SUGCT: variants seen among roughly 807,000 people sequenced by gnomAD.
SUGCT encodes the protein succinyl-CoA:glutarate CoA-transferase.
SUGCT carries 41 observed loss-of-function variants against 55.0 expected under a neutral mutation model. That is an observed-to-expected ratio of 0.74 (90% confidence interval 0.58 to 0.97). The LOEUF (loss-of-function observed/expected upper bound fraction) is 0.97. Among genes scored for constraint, SUGCT ranks in the 50% least tolerant of loss-of-function variants. SUGCT has a pLI of 0.00. For missense variants in SUGCT, 568 were observed against 547.8 expected, an observed-to-expected ratio of 1.04 and a Z score of -0.37; for synonymous variants, 187 against 200.4, an observed-to-expected ratio of 0.93 and a Z score of 0.56.
rs559551883 is a variant in SUGCT at position 40,361,283 on chromosome 7, G to A, written c.816+44428G>A. Reference sequence around the variant, plus strand: ...ACAGGCAGCTCAGCCCTCAAAAAGAGAGAAAATTTGGTCAGGCGCGGTGGC... The same window carrying A: ...ACAGGCAGCTCAGCCCTCAAAAAGAAAGAAAATTTGGTCAGGCGCGGTGGC... On this transcript the variant is annotated intron_variant, in intron 9 of 13. Coordinates refer to ENST00000335693, the MANE Select transcript of SUGCT (RefSeq NM_001193313.2). Among the ~76,000 whole-genome samples, 5 of 152,102 alleles carry A rather than the reference G, an allele frequency of 3.3e-5. No individual in the cohort carries two copies. In the South Asian group the frequency reaches 6.2e-4, roughly 19 times the overall value.
At chr7:40,371,871 T>C (rs1205709448) in intron 9 of SUGCT, among the ~76,000 whole-genome samples, 1 of 152,032 alleles carries the variant, frequency 6.6e-6, no homozygotes, top group Non-Finnish European at 1.5e-5. Context: ...TCATGTTCAC[T>C]GGAATTTCTT....
At chr7:40,142,039 A>G (rs1788014198) in intron 1 of SUGCT, among the ~76,000 whole-genome samples, 1 of 152,130 alleles carries the variant, frequency 6.6e-6, no homozygotes, top group Non-Finnish European at 1.5e-5. Flanking sequence ...TGGCAGGAAA[A>G]ATGGTTATGG....
intron 8 of SUGCT, among the ~76,000 whole-genome samples, chr7:40,309,283 G>A (rs1257955243): frequency 2.7e-5 from 4 of 149,924 alleles, no homozygotes; most frequent in African/African-American, 7.3e-5. Context: ...CTGGCACATA[G>A]TAAGTGTGAT....
chr7:40,779,429 G>T (rs577161375), intron 13 of SUGCT, among the ~76,000 whole-genome samples: 2 of 152,154 alleles, frequency 1.3e-5, no homozygotes, highest in Non-Finnish European at 2.9e-5. Flanking sequence ...AGTATAAATT[G>T]TATGAAACAC....
In SUGCT at chr7:40,651,336, A is replaced by G. The variant is rs1407312615; in HGVS notation, c.1090-98098A>G. 3.9e-5 allele frequency among the ~76,000 whole-genome samples: 6 copies of G among 152,054 alleles called. No individual in the cohort carries two copies. The East Asian group carries it at 1.2e-3, about 29-fold the overall frequency. ...TGTGGTTTTAATTTGCACTTCTCTA[A>G]TGATCAGTGATGTTAATCTTTTTTT... On this transcript the variant is annotated intron_variant, in intron 12 of 13. Transcript: ENST00000335693.
intron 8 of SUGCT, among the ~76,000 whole-genome samples, chr7:40,297,698 A>G (rs1429483670): frequency 2.0e-5 from 3 of 152,216 alleles, no homozygotes; most frequent in African/African-American, 7.2e-5. Flanking sequence ...CCCACTACAG[A>G]TAAAACTGTT....
At chr7:40,873,129 AAG>A in the SUGCT span, among the ~76,000 whole-genome samples, 1 of 152,214 alleles carries the variant, frequency 6.6e-6, no homozygotes, top group Admixed American at 6.5e-5. Context: ...GGACATGAAA[AAG>A]AGGATAAATA....
At chr7:40,761,102 A>G (rs1398482905) in intron 13 of SUGCT, among the ~76,000 whole-genome samples, 2 of 152,218 alleles carry the variant, frequency 1.3e-5, no homozygotes, top group Non-Finnish European at 2.9e-5. Flanking sequence ...ATGTTTATCC[A>G]GTGTTTACTC....
the SUGCT span, among the ~76,000 whole-genome samples, chr7:40,888,174 C>T: frequency 1.7e-4 from 26 of 152,236 alleles, no homozygotes; most frequent in African/African-American, 5.5e-4. Context: ...AACTCATGTT[C>T]GACTGAAACC....
At chr7:40,136,485 A>G (rs1787703372) in intron 1 of SUGCT, among the ~76,000 whole-genome samples, 2 of 152,192 alleles carry the variant, frequency 1.3e-5, no homozygotes, top group South Asian at 2.1e-4. Flanking sequence ...ATGAATGGAG[A>G]CACACACAGA....
chr7:40,824,095 G>A (rs1159033666), intron 13 of SUGCT, among the ~76,000 whole-genome samples: 1 of 152,062 alleles, frequency 6.6e-6, no homozygotes, highest in Non-Finnish European at 1.5e-5. Flanking sequence ...ATGACAGTGA[G>A]CAGTGGATGA....
intron 11 of SUGCT, among the ~76,000 whole-genome samples, chr7:40,477,152 C>G (rs1011102413): frequency 6.6e-6 from 1 of 152,232 alleles, no homozygotes; most frequent in African/African-American, 2.4e-5. Context: ...ATAACATCCT[C>G]AAGGCCAATT....
At chr7:40,322,618 A>G (rs1795814309) in intron 9 of SUGCT, among the ~76,000 whole-genome samples, 1 of 152,100 alleles carries the variant, frequency 6.6e-6, no homozygotes, top group Non-Finnish European at 1.5e-5. Context: ...GACAGGGTAA[A>G]TTGCCCAAGA....
At chr7:40,192,170 G>T (rs918072737) in intron 5 of SUGCT, among the ~76,000 whole-genome samples, 4 of 151,588 alleles carry the variant, frequency 2.6e-5, no homozygotes, top group African/African-American at 9.7e-5. Context: ...GGCCTTGGTG[G>T]CTATGATTGC....
At chr7:40,224,744 A>G (rs1456798243) in intron 6 of SUGCT, among the ~76,000 whole-genome samples, 1 of 152,214 alleles carries the variant, frequency 6.6e-6, no homozygotes, top group East Asian at 1.9e-4. Context: ...TTCCCGCTAT[A>G]CTACTGTTTC....
At chr7:40,349,429 A>G (rs1053555244) in intron 9 of SUGCT, among the ~76,000 whole-genome samples, 3 of 149,352 alleles carry the variant, frequency 2.0e-5, no homozygotes, top group Non-Finnish European at 3.0e-5. Context: ...GCTCAACTTC[A>G]GTGACTAACT....
intron 13 of SUGCT, among the ~76,000 whole-genome samples, chr7:40,795,298 C>T (rs1790498003): frequency 6.6e-6 from 1 of 152,118 alleles, no homozygotes; most frequent in African/African-American, 2.4e-5. Flanking sequence ...CCTCACACTC[C>T]CTTTCTCTTT....
intron 9 of SUGCT, among the ~76,000 whole-genome samples, chr7:40,323,627 A>T (rs1017534500): frequency 6.6e-6 from 1 of 152,132 alleles, no homozygotes; most frequent in African/African-American, 2.4e-5. Context: ...TCCTGGACTC[A>T]AGTGATCTTC....
At chr7:40,568,833 G>C (rs191566180) in intron 12 of SUGCT, among the ~76,000 whole-genome samples, 1 of 152,082 alleles carries the variant, frequency 6.6e-6, no homozygotes, top group Non-Finnish European at 1.5e-5. Context: ...AAGTTCCTTC[G>C]TGAGAATTAG....
Sources: allele counts gnomAD v4.1 joint callset (sites outside exome capture counted in the v4.1 genomes callset), GRCh38; gene constraint gnomAD v4.1.1; transcripts MANE v1.5; gene names NCBI Gene and HGNC (gene_info 2026-07-23, HGNC 2026-07-21).